The following KPNA6 variants were observed in gnomAD, a reference collection of about 807,000 sequenced individuals.
The protein encoded by KPNA6 is karyopherin subunit alpha 6.
In KPNA6, 9 loss-of-function variants were observed where a neutral mutation model predicts 72.0. That is an observed-to-expected ratio of 0.13 (90% confidence interval 0.08 to 0.22). KPNA6 has a LOEUF of 0.22. KPNA6 is among the 10% of genes least tolerant of loss of function. KPNA6 has a pLI of 1.00. For missense variants in KPNA6, 374 were observed against 655.7 expected (o/e 0.57, Z 4.69); for synonymous variants, 219 against 242.1 (o/e 0.90, Z 0.89).
chr1:32,132,661 T>C (rs1018820912), intron 1 of KPNA6, among the ~76,000 whole-genome samples: 1 of 152,074 alleles, frequency 6.6e-6, no homozygotes, highest in Non-Finnish European at 1.5e-5. Context: ...CCCAGCACTT[T>C]GGGAGGCCGA....
chr1:32,158,925 C>G (rs1397048092), intron 5 of KPNA6, among the ~76,000 whole-genome samples: 2 of 152,192 alleles, frequency 1.3e-5, no homozygotes, highest in Non-Finnish European at 2.9e-5. Context: ...CCTGTGTGAC[C>G]TGAGGCAAAT....
At chr1:32,149,938 G>A (rs903922137) in intron 1 of KPNA6, among the ~76,000 whole-genome samples, 2 of 151,946 alleles carry the variant, frequency 1.3e-5, no homozygotes, top group Admixed American at 6.6e-5. Context: ...TACGGTTTCT[G>A]ACAAGAAGCT....
At position 32,119,032 on chromosome 1, in the gene KPNA6, AT is replaced by A. The variant is rs71006332; in HGVS notation, c.4+10915del. Among the ~76,000 whole-genome samples the A allele has an allele frequency of 6.0e-4, 24 of 40,280 alleles. 1 individual carries two copies. The highest frequency in any genetic ancestry group is 8.2e-4 in the Non-Finnish European group (20 of 24,446). The allele number at this position is 40,280 out of a possible 152,430, so 26.4% of individuals were successfully genotyped here. A position where few individuals can be genotyped will look rare whatever the true frequency, so the allele number is the denominator to read the frequency against. On this transcript the variant is annotated intron_variant, in intron 1 of 13. Transcript: ENST00000373625. ...TATATATATATATATATATATATAT[AT>A]TTTTTTTTTTTTTTTTGAGAGAGAG... is the stretch of plus-strand genomic sequence containing the variant.
chr1:32,155,263 T>G (rs949814053), intron 2 of KPNA6, among the ~76,000 whole-genome samples: 3 of 151,854 alleles, frequency 2.0e-5, no homozygotes, highest in Non-Finnish European at 4.4e-5. Flanking sequence ...TAGACATCAT[T>G]TATGTCTTTA....
At chr1:32,117,478 G>T (rs370228788) in intron 1 of KPNA6, among the ~76,000 whole-genome samples, 22 of 140,704 alleles carry the variant, frequency 1.6e-4, no homozygotes, top group South Asian at 1.4e-3. Flanking sequence ...GGCCCAATTT[G>T]TTTTTTTTTT....
intron 1 of KPNA6, among the ~76,000 whole-genome samples, chr1:32,153,571 C>CAAA (rs554895996): frequency 1.2e-3 from 70 of 60,362 alleles, no homozygotes; most frequent in African/African-American, 3.5e-3. Flanking sequence ...AACTCTGTCT[C>CAAA]AAAAAAAAAA....
At chr1:32,131,578 T>C (rs1213174472) in intron 1 of KPNA6, among the ~76,000 whole-genome samples, 1 of 151,680 alleles carries the variant, frequency 6.6e-6, no homozygotes, top group African/African-American at 2.4e-5. Flanking sequence ...TATATGTATG[T>C]GTATATATAT....
rs1557491005 is a variant in KPNA6 at position 32,173,864 on chromosome 1, T to A, written c.*2970T>A. The A allele has an allele frequency of 6.6e-6, 1 of 152,308 alleles. No homozygotes were observed. Among genetic ancestry groups the A allele is most frequent in the Non-Finnish European group, 1.5e-5 (1 of 68,098 alleles). The allele number at this position is 152,308 out of a possible 1,614,324, so 9.4% of individuals were successfully genotyped here. A position where few individuals can be genotyped will look rare whatever the true frequency, so the allele number is the denominator to read the frequency against. On this transcript the variant is annotated 3_prime_UTR_variant, in exon 14 of 14. Coordinates refer to ENST00000373625, the MANE Select transcript of KPNA6 (RefSeq NM_012316.5). The stretch of plus-strand genomic sequence containing the variant: ...GGCATGTTGGCATATGGCTGGTCTA[T>A]CCTTTTTAAGATCTCTGGTTGGGGG...
chr1:32,158,405 G>A, intron 5 of KPNA6, 44 bp downstream of exon 5: 1 of 1,216,608 alleles, frequency 8.2e-7, no homozygotes, highest in Non-Finnish European at 1.2e-6. Flanking sequence ...TTTAATTTTT[G>A]GGGGATACAT....
chr1:32,162,592 T>G, intron 9 of KPNA6, 68 bp downstream of exon 9: 1 of 1,543,104 alleles, frequency 6.5e-7, no homozygotes, highest in South Asian at 1.1e-5. Flanking sequence ...ATCCCAGCAC[T>G]TTGGGATGCC....
At chr1:32,160,736 C>G (rs1425821999) in intron 7 of KPNA6, 33 bp downstream of exon 7, 1 of 1,553,210 alleles carries the variant, frequency 6.4e-7, no homozygotes, top group African/African-American at 1.4e-5. Flanking sequence ...ACCTGGGCGT[C>G]TACTGGGTGG....
At position 32,158,988 on chromosome 1, in the gene KPNA6, T is replaced by C. The variant is rs561714555; in HGVS notation, c.427-412T>C. 1.2e-4 allele frequency among the ~76,000 whole-genome samples: 18 copies of C among 152,296 alleles called. No homozygotes were observed. In the East Asian group the frequency reaches 2.9e-3, roughly 24 times the overall value. Reference sequence around the variant, plus strand: ...CAGAGATGGGTGATGGGTCAATCCATTGGAACTTGCCAGAACTCAGCTGAA... The same window carrying C: ...CAGAGATGGGTGATGGGTCAATCCACTGGAACTTGCCAGAACTCAGCTGAA... On this transcript the variant is annotated intron_variant, in intron 5 of 13. Coordinates refer to ENST00000373625, the MANE Select transcript of KPNA6 (RefSeq NM_012316.5).
intron 12 of KPNA6, 88 bp from the exon 13 acceptor site, chr1:32,169,794 A>G: frequency 1.7e-6 from 2 of 1,160,684 alleles, no homozygotes; most frequent in Non-Finnish European, 2.4e-6. Flanking sequence ...TAAATTAGTA[A>G]GAGTGGGTTG....
At chr1:32,170,632 G>T in intron 13 of KPNA6, 75 bp from the exon 14 acceptor site, 1 of 1,304,014 alleles carries the variant, frequency 7.7e-7, no homozygotes, top group Non-Finnish European at 1.1e-6. Context: ...CTCAGGGAAG[G>T]AAAAATAGGT....
intron 1 of KPNA6, among the ~76,000 whole-genome samples, chr1:32,108,868 G>A (rs1164304418): frequency 6.6e-6 from 1 of 152,220 alleles, no homozygotes; most frequent in Non-Finnish European, 1.5e-5. Flanking sequence ...GACTCCGGCT[G>A]GCAAGGCCTC....
At chr1:32,121,936 G>A (rs2124526930) in intron 1 of KPNA6, among the ~76,000 whole-genome samples, 1 of 152,152 alleles carries the variant, frequency 6.6e-6, no homozygotes, top group South Asian at 2.1e-4. Flanking sequence ...TCGTGCCACT[G>A]CCCTCCAGCC....
At chr1:32,131,981 T>TAAATAATGTGGGACCCCATATGTATATA (rs1557464632) in intron 1 of KPNA6, among the ~76,000 whole-genome samples, 1 of 151,514 alleles carries the variant, frequency 6.6e-6, no homozygotes, top group Non-Finnish European at 1.5e-5. Flanking sequence ...TTATTTTTTA[T>TAAATAATGTGGGACCCCATATGTATATA]TTTTTTTGAG....
At chr1:32,152,565 G>A (rs1398794980) in intron 1 of KPNA6, among the ~76,000 whole-genome samples, 1 of 151,968 alleles carries the variant, frequency 6.6e-6, no homozygotes, top group Admixed American at 6.6e-5. Flanking sequence ...ATAGTGTGGG[G>A]CCAGGCACGG....
chr1:32,126,232 C>G (rs1641533013), intron 1 of KPNA6, among the ~76,000 whole-genome samples: 1 of 151,804 alleles, frequency 6.6e-6, no homozygotes, highest in Non-Finnish European at 1.5e-5. Flanking sequence ...AATTGTGGAC[C>G]ATGAATTAAG....
Sources: gnomAD v4.1 joint callset for allele counts (sites outside exome capture counted in the v4.1 genomes callset) on GRCh38, gnomAD v4.1.1 for gene constraint, MANE v1.5 for transcripts, NCBI Gene and HGNC (gene_info 2026-07-23, HGNC 2026-07-21) for gene names.